Variants in GALNT18 observed in about 807,000 individuals in gnomAD.
GALNT18 encodes the protein polypeptide N-acetylgalactosaminyltransferase 18.
GALNT18 carries 44 observed loss-of-function variants against 69.5 expected under a neutral mutation model. The observed-to-expected ratio is 0.63, with a 90% CI of 0.50 to 0.81. GALNT18 has a LOEUF of 0.81. GALNT18 is among the 40% of genes least tolerant of loss of function. The probability of loss-of-function intolerance (pLI) is 0.00; values close to 1 mark genes in which losing one functional copy is unlikely to be tolerated. For synonymous variants in GALNT18, 364 were observed against 318.2 expected (o/e 1.14, Z -1.53); for missense variants, 715 against 810.0 (o/e 0.88, Z 1.42).
chr11:11,385,195 T>G (rs1854019621), intron 3 of GALNT18, among the ~76,000 whole-genome samples: 1 of 152,030 alleles, frequency 6.6e-6, no homozygotes, highest in Non-Finnish European at 1.5e-5. Context: ...AACTCACTCA[T>G]TCTCCCCACC....
Position 11,605,854 on chromosome 11 carries a change from C to T in GALNT18, c.235+15505G>A, listed in dbSNP as rs1181325594. On this transcript the variant is annotated intron_variant, in intron 1 of 10. Coordinates refer to ENST00000227756, the MANE Select transcript of GALNT18 (RefSeq NM_198516.3). The surrounding 1 kb of genome is among the most constrained non-coding windows in gnomAD (Gnocchi z 4.7). The stretch of plus-strand genomic sequence containing the variant: ...TCCCTTGAAGGCTTCAGGCTTCTCT[C>T]ACCAGCTGATCCCTGGGAGAGCTCA... 2.6e-5 allele frequency among the ~76,000 whole-genome samples: 4 copies of T among 152,202 alleles called. No individual in the cohort carries two copies. Among genetic ancestry groups the T allele is most frequent in the African/African-American group, 9.7e-5 (4 of 41,450 alleles).
chr11:11,531,094 T>A (rs928294852), intron 1 of GALNT18, among the ~76,000 whole-genome samples: 2 of 152,102 alleles, frequency 1.3e-5, no homozygotes, highest in Non-Finnish European at 2.9e-5. Flanking sequence ...CTCTCCCTCC[T>A]CCTGAGTGTG....
At chr11:11,296,808 C>T (rs1281964112) in intron 9 of GALNT18, among the ~76,000 whole-genome samples, 1 of 152,166 alleles carries the variant, frequency 6.6e-6, no homozygotes, top group Non-Finnish European at 1.5e-5. Context: ...CTGGCGTAAT[C>T]ACAAGGCTGG....
At chr11:11,394,593 G>A (rs1262612086) in intron 3 of GALNT18, among the ~76,000 whole-genome samples, 2 of 152,180 alleles carry the variant, frequency 1.3e-5, no homozygotes, top group Non-Finnish European at 2.9e-5. Flanking sequence ...AGAAACCTAA[G>A]GAGGTGAGGT....
intron 1 of GALNT18, among the ~76,000 whole-genome samples, chr11:11,472,782 C>T (rs1445956122): frequency 6.6e-6 from 1 of 151,978 alleles, no homozygotes; most frequent in African/African-American, 2.4e-5. Flanking sequence ...TAGGTATTAC[C>T]ATCCTCATTT....
chr11:11,448,469 G>A (rs1175522070), intron 2 of GALNT18, among the ~76,000 whole-genome samples: 2 of 152,252 alleles, frequency 1.3e-5, no homozygotes, highest in Non-Finnish European at 2.9e-5. Context: ...ACAGGAATGT[G>A]AGATGATTGT....
At chr11:11,548,607 C>T (rs922169058) in intron 1 of GALNT18, among the ~76,000 whole-genome samples, 1 of 152,188 alleles carries the variant, frequency 6.6e-6, no homozygotes, top group Admixed American at 6.5e-5. Flanking sequence ...TGCCCATCTG[C>T]ACAAAATCAT....
chr11:11,330,351 A>G (rs1369920691), intron 8 of GALNT18, among the ~76,000 whole-genome samples: 1 of 152,258 alleles, frequency 6.6e-6, no homozygotes, highest in Non-Finnish European at 1.5e-5. Flanking sequence ...AGGAAGAATG[A>G]TTCAGACCCA....
intron 3 of GALNT18, among the ~76,000 whole-genome samples, chr11:11,403,700 G>C (rs905784670): frequency 5.3e-5 from 8 of 152,198 alleles, no homozygotes; most frequent in African/African-American, 1.9e-4. Context: ...ACCACCTGGG[G>C]AGGACAGGTT....
In GALNT18 at chr11:11,430,055, G is replaced by A. The variant is rs182149752; in HGVS notation, c.595+2566C>T. On this transcript the variant is annotated intron_variant, in intron 3 of 10. Coordinates refer to ENST00000227756, the MANE Select transcript of GALNT18 (RefSeq NM_198516.3). The surrounding 1 kb of genome is among the most constrained non-coding windows in gnomAD (Gnocchi z 4.9). ...CTCGGGAGGCTAAGATGGGAGGATT[G>A]CTTGAGCCTGGGAGCCTGGGAGCTG... is the stretch of plus-strand genomic sequence containing the variant. Among the ~76,000 whole-genome samples, 449 of 152,156 alleles carry A rather than the reference G, an allele frequency of 3.0e-3. 3 individuals carry two copies. Among genetic ancestry groups the A allele is most frequent in the African/African-American group, 0.01 (423 of 41,516 alleles).
Position 11,605,904 on chromosome 11 carries a change from GCTCATGCGCACACA to G in GALNT18, c.235+15441_235+15454del, listed in dbSNP as rs750273705. Among the ~76,000 whole-genome samples the G allele has an allele frequency of 1.4e-4, 21 of 152,088 alleles. No homozygotes were observed. Among genetic ancestry groups the G allele is most frequent in the Non-Finnish European group, 2.5e-4 (17 of 68,004 alleles). On this transcript the variant is annotated intron_variant, in intron 1 of 10. Transcript: ENST00000227756. The surrounding 1 kb of genome is among the most constrained non-coding windows in gnomAD (Gnocchi z 4.7). ...AGTGTGGAAAGCACACTGCACACAC[GCTCATGCGCACACA>G]CACACACCACTGAGCTTCAGCTTCC...
chr11:11,564,878 C>T lies in GALNT18; in HGVS notation c.235+56481G>A, dbSNP rs1485141312. On this transcript the variant is annotated intron_variant, in intron 1 of 10. Transcript: ENST00000227756. The surrounding 1 kb of genome is among the most constrained non-coding windows in gnomAD (Gnocchi z 4.3). ...ATAAGTGGCCTGTGTCTGCTCGATA[C>T]CATAGTGAACAGAATAGGTCTAGAA... 1.3e-5 allele frequency among the ~76,000 whole-genome samples: 2 copies of T among 152,196 alleles called. No homozygotes were observed. The highest frequency in any genetic ancestry group is 4.8e-5 in the African/African-American group (2 of 41,440).
At position 11,347,875 on chromosome 11, in the gene GALNT18, G is replaced by C. The variant is rs924801516; in HGVS notation, c.1093-6871C>G. Among the ~76,000 whole-genome samples, 64 of 152,336 alleles carry C rather than the reference G, an allele frequency of 4.2e-4. No individual in the cohort carries two copies. The highest frequency in any genetic ancestry group is 1.6e-4 in the Non-Finnish European group (11 of 68,032). ...GAAAAGCCAAAACCAGCAGGCTATG[G>C]GGAGGAAGACGAGGTGGATGCAGGC... On this transcript the variant is annotated intron_variant, in intron 6 of 10. Transcript: ENST00000227756. This position sits in a 1 kb window ranked among gnomAD's most constrained non-coding sequence, Gnocchi z 4.0.
At chr11:11,306,226 T>G (rs1849575940) in intron 9 of GALNT18, among the ~76,000 whole-genome samples, 1 of 141,568 alleles carries the variant, frequency 7.1e-6, no homozygotes, top group African/African-American at 2.4e-5. Flanking sequence ...TGTGTGCATG[T>G]GTGTGTGTAT....
In GALNT18 at chr11:11,379,138, G is replaced by C. The variant is rs767924846; in HGVS notation, c.722C>G (p.Ala241Gly). ...GAGTGCCACCACAGGGGCAGTGGCC[G>C]CCCTCCAGCCACTGACCCTGGAGCG... The part of the protein sequence containing the change: ...LIRSRVSGWR[A>G]ATAPVVALFD... The change falls in exon 4 of 11, where the codon GCG becomes GGG. Residue 241 changes from alanine to glycine, a missense_variant. Coordinates refer to ENST00000227756, the MANE Select transcript of GALNT18 (RefSeq NM_198516.3). 1 of 1,611,172 alleles carries C rather than the reference G, an allele frequency of 6.2e-7. No individual in the cohort carries two copies. The highest frequency in any genetic ancestry group is 8.5e-7 in the Non-Finnish European group (1 of 1,179,942).
intron 1 of GALNT18, among the ~76,000 whole-genome samples, chr11:11,610,868 C>G (rs751333324): frequency 3.4e-4 from 52 of 152,234 alleles, no homozygotes; most frequent in Non-Finnish European, 6.0e-4. Context: ...AGCTCCTTCT[C>G]TCCCATCAGG....
chr11:11,292,044 G>A (rs761735719), intron 10 of GALNT18, among the ~76,000 whole-genome samples: 1 of 152,118 alleles, frequency 6.6e-6, no homozygotes, highest in Non-Finnish European at 1.5e-5. Context: ...ATCCTCACCA[G>A]GGGAGAAGCA....
At chr11:11,417,995 C>A (rs1854904484) in intron 3 of GALNT18, among the ~76,000 whole-genome samples, 1 of 152,222 alleles carries the variant, frequency 6.6e-6, no homozygotes, top group Non-Finnish European at 1.5e-5. Flanking sequence ...GGTTAATATA[C>A]CAGCCTGAAG....
At chr11:11,572,037 G>C (rs1280830493) in intron 1 of GALNT18, among the ~76,000 whole-genome samples, 1 of 152,246 alleles carries the variant, frequency 6.6e-6, no homozygotes, top group African/African-American at 2.4e-5. Context: ...CCCCACTGAA[G>C]AGCATGATTC....
Sources: allele counts gnomAD v4.1 joint callset (sites outside exome capture counted in the v4.1 genomes callset), GRCh38; gene constraint gnomAD v4.1.1; non-coding constraint Gnocchi (gnomAD v3.1); transcripts MANE v1.5; gene names NCBI Gene and HGNC (gene_info 2026-07-23, HGNC 2026-07-21).